The following ANO1 variants were observed in gnomAD, a reference collection of about 807,000 sequenced individuals.
ANO1 encodes the protein anoctamin-1.
Under a neutral mutation model 124.0 loss-of-function variants are expected in ANO1, and 59 were observed. The ratio of observed to expected loss-of-function variants is 0.48; its 90% confidence interval spans 0.39 to 0.59. The LOEUF is 0.59. ANO1 is among the 20% of genes least tolerant of loss of function. The probability of loss-of-function intolerance (pLI) is 0.00; values close to 1 mark genes in which losing one functional copy is unlikely to be tolerated. For synonymous variants in ANO1, 529 were observed against 532.0 expected (o/e 0.99, Z 0.08); for missense variants, 1,059 against 1,328.0 (o/e 0.80, Z 3.15).
chr11:69,997,732 A>G lies in ANO1; in HGVS notation c.58+11566A>G, dbSNP rs1856299315. On this transcript the variant is annotated intron_variant, in intron 1 of 27. Transcript: ENST00000531349. The stretch of plus-strand genomic sequence containing the variant: ...AACCGTTCCCCTTAGCGATAGTGAT[A>G]GTGAGTTCTCACGAACCAGTTTTCA... Among the ~76,000 whole-genome samples the G allele has an allele frequency of 2.0e-5, 3 of 152,160 alleles. 1 individual carries two copies. In the South Asian group the frequency reaches 6.2e-4, roughly 32 times the overall value.
chr11:70,107,613 G>A (rs1010589593), intron 5 of ANO1, among the ~76,000 whole-genome samples: 11 of 152,096 alleles, frequency 7.2e-5, no homozygotes, highest in Non-Finnish European at 1.2e-4. Context: ...AGCACGACCA[G>A]TTCTTCTCAC....
Position 70,130,137 on chromosome 11 carries a change from A to T in ANO1, c.1098-1782A>T, listed in dbSNP as rs190126672. ...ACCCACTTCAGCATCCCCCCACATC[A>T]CCCTCCGACCCAACCAGCCAGGGTG... On this transcript the variant is annotated intron_variant, in intron 10 of 25. Transcript: ENST00000355303. Among the ~76,000 whole-genome samples, 340 of 151,748 alleles carry T rather than the reference A, an allele frequency of 2.2e-3. 2 individuals carry two copies. The highest frequency in any genetic ancestry group is 3.2e-3 in the Admixed American group (49 of 15,194).
At chr11:70,010,179 G>GTGTATATATATATATATATATA in intron 1 of ANO1, among the ~76,000 whole-genome samples, 5 of 83,812 alleles carry the variant, frequency 6.0e-5, no homozygotes, top group Admixed American at 2.5e-4. Flanking sequence ...GTGTGTGTGT[G>GTGTATATATATATATATATATA]TATATATATA....
chr11:70,000,129 T>G (rs1173989865), intron 1 of ANO1, among the ~76,000 whole-genome samples: 1 of 152,072 alleles, frequency 6.6e-6, no homozygotes, highest in Middle Eastern at 3.2e-3. Flanking sequence ...ACTTTTTGGA[T>G]GGAGATAATA....
At chr11:70,164,382 T>C (rs554668746) in intron 19 of ANO1, among the ~76,000 whole-genome samples, 55 of 152,362 alleles carry the variant, frequency 3.6e-4, no homozygotes, top group African/African-American at 1.3e-3. Flanking sequence ...TGCAGGCCCC[T>C]GGGCAGCCCA....
intron 1 of ANO1, among the ~76,000 whole-genome samples, chr11:70,030,166 C>T (rs1053665098): frequency 6.6e-6 from 1 of 152,230 alleles, no homozygotes; most frequent in South Asian, 2.1e-4. Context: ...TCTCCAAAAA[C>T]ACTTGGCCTG....
intron 1 of ANO1, among the ~76,000 whole-genome samples, chr11:69,998,192 A>G (rs1565156984): frequency 6.6e-6 from 1 of 152,218 alleles, no homozygotes; most frequent in Non-Finnish European, 1.5e-5. Context: ...TAATTTACAT[A>G]CAGTAAAATG....
At chr11:70,111,522 A>G (rs2045779759) in intron 6 of ANO1, among the ~76,000 whole-genome samples, 185 bp from the exon 7 acceptor site, 1 of 152,226 alleles carries the variant, frequency 6.6e-6, no homozygotes, top group African/African-American at 2.4e-5. Context: ...ATAGATCAAT[A>G]ACCCAGCTGC....
At chr11:69,985,696 G>T (rs1856025511), upstream of ANO1, among the ~76,000 whole-genome samples, 1 of 152,168 alleles carries the variant, frequency 6.6e-6, no homozygotes, top group South Asian at 2.1e-4. Flanking sequence ...GTCTGGGAGC[G>T]GTGGAGACGC....
chr11:69,977,110 G>C, the ANO1 span, among the ~76,000 whole-genome samples: 2 of 152,226 alleles, frequency 1.3e-5, no homozygotes, highest in Non-Finnish European at 2.9e-5. Context: ...CGGCCAACCA[G>C]CTTGCCAGAA....
chr11:70,008,477 A>C lies in ANO1; in HGVS notation c.58+22311A>C, dbSNP rs1856534121. 2.0e-5 allele frequency among the ~76,000 whole-genome samples: 3 copies of C among 152,194 alleles called. No individual in the cohort carries two copies. The South Asian group carries it at 6.2e-4, about 31-fold the overall frequency. On this transcript the variant is annotated intron_variant, in intron 1 of 27. Coordinates refer to the ANO1 transcript ENST00000531349. ...TTTGCATGTGAATATCCAGTTTCCC[A>C]GCGACCTTTGGCAAAGAGATTGTCC...
chr11:69,988,833 A>G (rs1326959367), intron 1 of ANO1, among the ~76,000 whole-genome samples: 2 of 152,134 alleles, frequency 1.3e-5, no homozygotes, highest in African/African-American at 2.4e-5. Context: ...CTCAGCTGGT[A>G]TATCCCCTTC....
intron 1 of ANO1, among the ~76,000 whole-genome samples, chr11:70,060,390 T>C (rs976043878): frequency 2.0e-5 from 3 of 152,110 alleles, no homozygotes; most frequent in African/African-American, 7.2e-5. Context: ...ATAAACCAAG[T>C]GTGGTCTGGG....
At chr11:69,967,867 C>T in the ANO1 span, among the ~76,000 whole-genome samples, 59 of 152,284 alleles carry the variant, frequency 3.9e-4, no homozygotes, top group African/African-American at 1.4e-3. Context: ...ACCTGTGTGG[C>T]CTTGGGTAGT....
upstream of ANO1, among the ~76,000 whole-genome samples, chr11:70,076,728 C>A (rs2509135): frequency 1.7e-3 from 265 of 152,292 alleles, no homozygotes; most frequent in African/African-American, 5.8e-3. Flanking sequence ...ACAAAGGGTC[C>A]TTTAGGGCCA....
At chr11:70,021,879 G>A (rs1856816705) in intron 1 of ANO1, among the ~76,000 whole-genome samples, 1 of 152,168 alleles carries the variant, frequency 6.6e-6, no homozygotes, top group South Asian at 2.1e-4. Flanking sequence ...CCCAAAGAGT[G>A]CGCAGAGTAT....
upstream of ANO1, among the ~76,000 whole-genome samples, chr11:69,982,077 G>A (rs191982885): frequency 2.9e-4 from 44 of 152,260 alleles, no homozygotes; most frequent in African/African-American, 1.0e-3. Flanking sequence ...TGTACTCTGC[G>A]GGAATGGGAA....
chr11:69,974,232 A>T, the ANO1 span, among the ~76,000 whole-genome samples: 116,437 of 151,832 alleles, frequency 0.77, 45,192 homozygotes, highest in South Asian at 0.87. Context: ...GGTGGGAGAA[A>T]CGCTTGAACC....
In ANO1 at chr11:70,188,133, C is replaced by T; in HGVS notation, c.*129C>T. 1 of 1,056,752 alleles carries T rather than the reference C, an allele frequency of 9.5e-7. No homozygotes were observed. Among genetic ancestry groups the T allele is most frequent in the African/African-American group, 1.6e-5 (1 of 62,272 alleles). 65.5% of individuals were successfully genotyped at this position (1,056,752 alleles called of 1,614,324 possible). A position where few individuals can be genotyped will look rare whatever the true frequency, so the allele number is the denominator to read the frequency against. ...GGTTTTCTGCAAACATGGAGGACCA[C>T]TTTCTGATAGGACATTTTCCTTTCT... is the stretch of plus-strand genomic sequence containing the variant. On this transcript the variant is annotated 3_prime_UTR_variant, in exon 26 of 26. Transcript: ENST00000355303.
Sources: allele counts gnomAD v4.1 joint callset (sites outside exome capture counted in the v4.1 genomes callset), GRCh38; gene constraint gnomAD v4.1.1; transcripts MANE v1.5; gene names NCBI Gene and HGNC (gene_info 2026-07-23, HGNC 2026-07-21).